Variants in NCALD observed in about 807,000 individuals in gnomAD.
NCALD encodes neurocalcin delta.
A neutral mutation model predicts 18.6 loss-of-function variants in NCALD; 10 were observed. That is an observed-to-expected ratio of 0.54 (90% CI 0.33 to 0.91). The LOEUF (loss-of-function observed/expected upper bound fraction) is 0.91, where lower values mean the gene tolerates loss of function less well. Among genes scored for constraint, NCALD ranks in the 40% least tolerant of loss-of-function variants. The pLI is 0.03. For missense variants in NCALD, 184 were observed against 247.6 expected, an observed-to-expected ratio of 0.74 and a Z score of 1.72; for synonymous variants, 88 against 87.4, an observed-to-expected ratio of 1.01 and a Z score of -0.04.
intron 1 of NCALD, among the ~76,000 whole-genome samples, chr8:102,049,256 C>G (rs1490161825): frequency 6.6e-6 from 1 of 152,200 alleles, no homozygotes; most frequent in Non-Finnish European, 1.5e-5. Flanking sequence ...GTGAAGGAGG[C>G]AACTTTCCAC....
chr8:101,820,575 C>T (rs1434521535), intron 4 of NCALD, among the ~76,000 whole-genome samples: 2 of 152,102 alleles, frequency 1.3e-5, no homozygotes. Flanking sequence ...AAAATTAATA[C>T]CGCTTTAGAA....
At chr8:101,816,643 T>G (rs1270846602) in intron 4 of NCALD, among the ~76,000 whole-genome samples, 1 of 152,180 alleles carries the variant, frequency 6.6e-6, no homozygotes, top group South Asian at 2.1e-4. Context: ...ATCTGTCTTA[T>G]GTCAATTTAA....
At chr8:102,040,597 C>T (rs1283514715) in intron 1 of NCALD, among the ~76,000 whole-genome samples, 1 of 152,166 alleles carries the variant, frequency 6.6e-6, no homozygotes, top group Non-Finnish European at 1.5e-5. Context: ...CAGCCTCTAG[C>T]TGTTATCCTG....
chr8:102,106,901 T>C (rs1162867139), intron 1 of NCALD, among the ~76,000 whole-genome samples: 1 of 152,076 alleles, frequency 6.6e-6, no homozygotes, highest in Non-Finnish European at 1.5e-5. Flanking sequence ...CACTCTCCTA[T>C]GACACTTCCT....
intron 2 of NCALD, among the ~76,000 whole-genome samples, chr8:101,713,899 G>C (rs117360655): frequency 0.03 from 4,631 of 152,084 alleles, 102 homozygotes; most frequent in Non-Finnish European, 0.045. Flanking sequence ...CCAAACAATA[G>C]AAAAAGAGAG....
intron 4 of NCALD, among the ~76,000 whole-genome samples, chr8:101,849,157 A>T (rs1333708149): frequency 6.6e-6 from 1 of 152,182 alleles, no homozygotes; most frequent in African/African-American, 2.4e-5. Context: ...CTGAATGATG[A>T]GAACACATGG....
intron 1 of NCALD, among the ~76,000 whole-genome samples, chr8:102,080,363 A>G (rs1414579578): frequency 6.6e-6 from 1 of 152,200 alleles, no homozygotes; most frequent in Non-Finnish European, 1.5e-5. Flanking sequence ...GAATTACCCA[A>G]AAACAATATA....
intron 2 of NCALD, among the ~76,000 whole-genome samples, chr8:102,017,157 T>C (rs565492777): frequency 6.6e-6 from 1 of 151,954 alleles, no homozygotes; most frequent in Non-Finnish European, 1.5e-5. Flanking sequence ...ATAATTGGAG[T>C]ACCAAACAGG....
At chr8:101,711,469 T>G (rs1024534980) in intron 2 of NCALD, among the ~76,000 whole-genome samples, 5 of 151,838 alleles carry the variant, frequency 3.3e-5, no homozygotes, top group African/African-American at 1.2e-4. Context: ...TAACAAACTC[T>G]TCCGAGCTAA....
At chr8:101,767,593 C>G (rs779508958) in intron 1 of NCALD, among the ~76,000 whole-genome samples, 3 of 152,224 alleles carry the variant, frequency 2.0e-5, no homozygotes, top group Non-Finnish European at 4.4e-5. Context: ...CCTATGGACT[C>G]AACTGATCTG....
chr8:101,845,128 A>G (rs1243581489), intron 4 of NCALD, among the ~76,000 whole-genome samples: 1 of 152,238 alleles, frequency 6.6e-6, no homozygotes, highest in Non-Finnish European at 1.5e-5. Flanking sequence ...GTGCCACTCG[A>G]AGGAGTCAGT....
At chr8:101,812,127 C>T (rs763236546) in intron 4 of NCALD, among the ~76,000 whole-genome samples, 9 of 152,232 alleles carry the variant, frequency 5.9e-5, no homozygotes, top group South Asian at 2.1e-4. Flanking sequence ...ATGACAACAT[C>T]GGTTTTCTAA....
chr8:101,805,926 C>G (rs970068698), intron 4 of NCALD, among the ~76,000 whole-genome samples: 2 of 152,056 alleles, frequency 1.3e-5, no homozygotes, highest in African/African-American at 4.8e-5. Context: ...AATTTATGCC[C>G]AAGAGCATTT....
chr8:101,747,963 C>T (rs1810496429), intron 1 of NCALD, among the ~76,000 whole-genome samples: 1 of 152,134 alleles, frequency 6.6e-6, no homozygotes, highest in Non-Finnish European at 1.5e-5. Context: ...GGTGATCTGC[C>T]CGCCTCGGCC....
chr8:101,821,817 C>A (rs911932387), intron 4 of NCALD, among the ~76,000 whole-genome samples: 22 of 147,796 alleles, frequency 1.5e-4, no homozygotes, highest in Admixed American at 4.8e-4. Context: ...GGGAAAAAAA[C>A]CACTTTGGCA....
rs574145726 is a variant in NCALD at position 101,767,526 on chromosome 8, C to A, written c.-20+23336G>T. On this transcript the variant is annotated intron_variant, in intron 1 of 3. Transcript: ENST00000220931. The stretch of plus-strand genomic sequence containing the variant: ...AAGCAAGCAAATGATGATTATACAG[C>A]TGCATATGTTCTAATGGATAAGGTG... 3.9e-5 allele frequency among the ~76,000 whole-genome samples: 6 copies of A among 152,302 alleles called. No individual in the cohort carries two copies. In the East Asian group the frequency reaches 1.2e-3, roughly 29 times the overall value.
At chr8:101,749,443 G>T (rs934502573) in intron 1 of NCALD, among the ~76,000 whole-genome samples, 2 of 152,140 alleles carry the variant, frequency 1.3e-5, no homozygotes, top group Non-Finnish European at 2.9e-5. Context: ...AGTCTGACAA[G>T]AAGACTATTA....
intron 1 of NCALD, among the ~76,000 whole-genome samples, chr8:101,749,580 GATA>G (rs1167344870): frequency 3.3e-5 from 5 of 152,120 alleles, no homozygotes; most frequent in Non-Finnish European, 5.9e-5. Flanking sequence ...GCAAAATAGG[GATA>G]ATAATGAGTA....
chr8:101,715,731 T>C (rs1444459026), intron 2 of NCALD, among the ~76,000 whole-genome samples: 3 of 152,174 alleles, frequency 2.0e-5, no homozygotes, highest in Non-Finnish European at 4.4e-5. Context: ...TCATCATCAC[T>C]GGTCATTAGA....
Sources: gnomAD v4.1 joint callset for allele counts (sites outside exome capture counted in the v4.1 genomes callset) on GRCh38, gnomAD v4.1.1 for gene constraint, MANE v1.5 for transcripts, NCBI Gene and HGNC (gene_info 2026-07-23, HGNC 2026-07-21) for gene names.